The following LEPR variants were observed in gnomAD, a reference collection of about 807,000 sequenced individuals.
The protein encoded by LEPR is OB receptor.
In LEPR, 56 loss-of-function variants were observed where a neutral mutation model predicts 114.7. That is an observed-to-expected ratio of 0.49 (90% CI 0.39 to 0.61). The LOEUF (loss-of-function observed/expected upper bound fraction) is 0.61, where lower values mean the gene tolerates loss of function less well. LEPR is among the 20% of genes least tolerant of loss of function. LEPR has a pLI of 0.00. For missense variants in LEPR, 1,202 were observed against 1,352.9 expected, an observed-to-expected ratio of 0.89 and a Z score of 1.75; for synonymous variants, 443 against 461.4, an observed-to-expected ratio of 0.96 and a Z score of 0.51.
chr1:65,496,204 A>T (rs1009765436), intron 2 of LEPR, among the ~76,000 whole-genome samples: 1 of 152,152 alleles, frequency 6.6e-6, no homozygotes, highest in South Asian at 2.1e-4. Context: ...AATTTTTTTT[A>T]AAAAGCCACA....
intron 2 of LEPR, among the ~76,000 whole-genome samples, chr1:65,553,315 A>G (rs1398515007): frequency 6.6e-6 from 1 of 152,198 alleles, no homozygotes; most frequent in African/African-American, 2.4e-5. Context: ...AGTGTTTTCC[A>G]ACTTGGTTCT....
Position 65,621,382 on chromosome 1 carries a change from G to C in LEPR, c.2521G>C (p.Gly841Arg), listed in dbSNP as rs1288514906. Reference protein sequence around the residue: ...DDIEKHQSDAGLYVIVPVIIS... With the variant: ...DDIEKHQSDARLYVIVPVIIS... The stretch of plus-strand genomic sequence containing the variant: ...TATTGAAAAACACCAGAGTGATGCA[G>C]GTTTATATGTAATTGTGCCAGTAAT... Residue 841 changes from glycine (G) to arginine (R), a missense_variant, in exon 18 of 20, where the codon GGT becomes CGT. Coordinates refer to ENST00000349533, the MANE Select transcript of LEPR (RefSeq NM_002303.6). 6.2e-7 allele frequency: 1 copy of C among 1,613,304 alleles called. No homozygotes were observed. Among genetic ancestry groups the C allele is most frequent in the Admixed American group, 1.7e-5 (1 of 59,958 alleles).
At chr1:65,576,206 A>G (rs1654570469) in intron 5 of LEPR, 1 of 170,606 alleles carries the variant, frequency 5.9e-6, no homozygotes, top group African/African-American at 2.4e-5. Context: ...CTGTGGAGCC[A>G]CTGCTCTCAG....
chr1:65,638,656 A>T lies in LEPR; in HGVS notation c.*1641A>T, dbSNP rs1658790066. 6.6e-6 allele frequency: 1 copy of T among 152,182 alleles called. No individual in the cohort carries two copies. Among genetic ancestry groups the T allele is most frequent in the Non-Finnish European group, 1.5e-5 (1 of 68,032 alleles). 9.4% of individuals were successfully genotyped at this position (152,182 alleles called of 1,614,324 possible). A position where few individuals can be genotyped will look rare whatever the true frequency, so the allele number is the denominator to read the frequency against. On this transcript the variant is annotated 3_prime_UTR_variant, in exon 20 of 20. Transcript: ENST00000349533. ...TGACAAAGATTCCAGACCCCACTTG[A>T]TAGATATTTTTCACACTTTATAATC...
At chr1:65,435,385 T>TA (rs1646546843) in intron 2 of LEPR, 1 of 874,680 alleles carries the variant, frequency 1.1e-6, no homozygotes, top group African/African-American at 2.0e-5. Context: ...TTTTTTTTTT[T>TA]GAGGCAGAGT....
intron 2 of LEPR, among the ~76,000 whole-genome samples, chr1:65,464,820 T>C (rs1234816477): frequency 1.3e-5 from 2 of 152,270 alleles, no homozygotes; most frequent in Non-Finnish European, 2.9e-5. Context: ...TGCATATAGA[T>C]GTTTATCATA....
intron 11 of LEPR, among the ~76,000 whole-genome samples, chr1:65,608,375 C>T (rs375273694): frequency 2.0e-5 from 3 of 152,048 alleles, no homozygotes; most frequent in African/African-American, 4.8e-5. Context: ...GGACTACAGG[C>T]GCCCGCCACC....
At chr1:65,462,323 C>G (rs576655895) in intron 2 of LEPR, among the ~76,000 whole-genome samples, 27 of 152,200 alleles carry the variant, frequency 1.8e-4, no homozygotes, top group Non-Finnish European at 3.1e-4. Flanking sequence ...GCAAACGACA[C>G]GAACTCATCC....
At chr1:65,460,929 A>G (rs1284395875) in intron 2 of LEPR, among the ~76,000 whole-genome samples, 6 of 151,804 alleles carry the variant, frequency 4.0e-5, no homozygotes, top group African/African-American at 1.5e-4. Context: ...ATAAAAATAC[A>G]TCAAATGGAA....
At chr1:65,636,112 C>A in intron 19 of LEPR, 79 bp from the exon 20 acceptor site, 2 of 1,492,300 alleles carry the variant, frequency 1.3e-6, no homozygotes, top group South Asian at 1.2e-5. Flanking sequence ...ACTTAACACA[C>A]TTCCATTTCT....
At chr1:65,436,539 T>G (rs557495578) in intron 2 of LEPR, among the ~76,000 whole-genome samples, 8 of 152,314 alleles carry the variant, frequency 5.3e-5, no homozygotes, top group Admixed American at 3.9e-4. Context: ...AATAAAAATT[T>G]GATAATACCA....
intron 2 of LEPR, among the ~76,000 whole-genome samples, chr1:65,552,648 A>T: frequency 6.6e-6 from 1 of 152,182 alleles, no homozygotes; most frequent in East Asian, 1.9e-4. Context: ...CAGCACACTG[A>T]TGGGTCGTGA....
intron 5 of LEPR, among the ~76,000 whole-genome samples, chr1:65,580,472 A>G (rs1322332821): frequency 6.6e-6 from 1 of 152,262 alleles, no homozygotes; most frequent in African/African-American, 2.4e-5. Flanking sequence ...CCATATAAAT[A>G]TGTCCCTTAA....
intron 5 of LEPR, among the ~76,000 whole-genome samples, chr1:65,585,891 G>C (rs1655282090): frequency 1.3e-5 from 2 of 152,036 alleles, no homozygotes; most frequent in South Asian, 4.1e-4. Flanking sequence ...CATGTAACAA[G>C]GTTGGTGGAT....
At chr1:65,565,487 C>T in intron 2 of LEPR, 59 bp from the exon 3 acceptor site, 2 of 1,543,402 alleles carry the variant, frequency 1.3e-6, no homozygotes, top group Non-Finnish European at 1.8e-6. Flanking sequence ...CCACAGACAA[C>T]TTATATATAT....
At chr1:65,456,018 GTA>G (rs773135193) in intron 2 of LEPR, among the ~76,000 whole-genome samples, 62 of 152,314 alleles carry the variant, frequency 4.1e-4, no homozygotes, top group African/African-American at 1.4e-3. Flanking sequence ...GAAAAGCACA[GTA>G]TTCGGGTGGG....
chr1:65,503,189 T>G (rs1037325601), intron 2 of LEPR, among the ~76,000 whole-genome samples: 4 of 152,118 alleles, frequency 2.6e-5, no homozygotes, highest in African/African-American at 4.8e-5. Flanking sequence ...CAAAGGATAC[T>G]CTTTGTAAGT....
At chr1:65,533,298 C>T (rs2100629604) in intron 2 of LEPR, among the ~76,000 whole-genome samples, 1 of 152,152 alleles carries the variant, frequency 6.6e-6, no homozygotes, top group East Asian at 1.9e-4. Context: ...AAAACAGTCT[C>T]AATAGGATCT....
intron 2 of LEPR, among the ~76,000 whole-genome samples, chr1:65,465,507 T>C (rs1331848702): frequency 1.3e-5 from 2 of 152,190 alleles, no homozygotes; most frequent in East Asian, 3.9e-4. Flanking sequence ...TTCTGTTGAT[T>C]TGGGGTGGAG....
Sources: gnomAD v4.1 joint callset for allele counts (sites outside exome capture counted in the v4.1 genomes callset) on GRCh38, gnomAD v4.1.1 for gene constraint, MANE v1.5 for transcripts, NCBI Gene and HGNC (gene_info 2026-07-23, HGNC 2026-07-21) for gene names.